The following NSD3 variants were observed in gnomAD, a reference collection of about 807,000 sequenced individuals.
NSD3 encodes the protein nuclear receptor binding SET domain protein 3.
Under a neutral mutation model 160.8 loss-of-function variants are expected in NSD3, and 24 were observed. The ratio of observed to expected loss-of-function variants is 0.15; its 90% confidence interval spans 0.11 to 0.21. The LOEUF is 0.21. Ranked by LOEUF, NSD3 falls within the 10% of genes least tolerant of loss-of-function variation. The pLI is 1.00. For synonymous variants in NSD3, 520 were observed against 600.0 expected (o/e 0.87, Z 1.95); for missense variants, 1,157 against 1,735.9 (o/e 0.67, Z 5.93).
At chr8:38,332,463 A>G (rs939013513) in intron 4 of NSD3, among the ~76,000 whole-genome samples, 3 of 152,202 alleles carry the variant, frequency 2.0e-5, no homozygotes, top group African/African-American at 7.2e-5. Flanking sequence ...AAATTTAAAT[A>G]ACATTAGATA....
chr8:38,337,287 G>A lies in NSD3; in HGVS notation c.910+18C>T, dbSNP rs778605828. On this transcript the variant is annotated intron_variant, in intron 4 of 23. Transcript: ENST00000317025. ...ATTTCCAACCTTTTACTTAGTATCT[G>A]TTTATGCCTTTTCTTACCTCTTGTG... 2 of 1,586,066 alleles carry A rather than the reference G, an allele frequency of 1.3e-6. No homozygotes were observed. Among genetic ancestry groups the A allele is most frequent in the Admixed American group, 1.9e-5 (1 of 53,406 alleles).
chr8:38,381,419 C>G (rs1477378276), intron 1 of NSD3, among the ~76,000 whole-genome samples: 1 of 151,942 alleles, frequency 6.6e-6, no homozygotes, highest in Non-Finnish European at 1.5e-5. Flanking sequence ...ATCAGTCCAC[C>G]CAGGTCTGTA....
chr8:38,333,047 G>T (rs982372570), intron 4 of NSD3, among the ~76,000 whole-genome samples: 73 of 152,058 alleles, frequency 4.8e-4, no homozygotes, highest in African/African-American at 1.8e-3. Context: ...AAGGGTTTTT[G>T]GGGGGAAAAA....
At chr8:38,376,908 A>G (rs1208122784) in intron 1 of NSD3, among the ~76,000 whole-genome samples, 2 of 152,192 alleles carry the variant, frequency 1.3e-5, no homozygotes, top group East Asian at 3.8e-4. Context: ...AACTTAATTC[A>G]GGACCAACTA....
chr8:38,365,757 T>TTTTAATAA (rs1811091274), intron 1 of NSD3, among the ~76,000 whole-genome samples: 1 of 151,942 alleles, frequency 6.6e-6, no homozygotes, highest in South Asian at 2.1e-4. Flanking sequence ...AGATTCTTAT[T>TTTTAATAA]AAAAAACTAA....
In NSD3 at chr8:38,370,102, C is replaced by T. The variant is rs563671260; in HGVS notation, c.-45+11697G>A. On this transcript the variant is annotated intron_variant, in intron 1 of 23. Coordinates refer to ENST00000317025, the MANE Select transcript of NSD3 (RefSeq NM_023034.2). ...AGCCACCACGCCCAGCCAGCCCACC[C>T]AGTTTTTAAAAAATGTTTTGTTAAA... 3.9e-5 allele frequency among the ~76,000 whole-genome samples: 6 copies of T among 152,176 alleles called. No homozygotes were observed. The East Asian group carries it at 1.2e-3, about 29-fold the overall frequency.
At chr8:38,351,390 C>T (rs958462499) in intron 1 of NSD3, among the ~76,000 whole-genome samples, 5 of 150,598 alleles carry the variant, frequency 3.3e-5, no homozygotes, top group South Asian at 2.1e-4. Context: ...TGAGGCCGGG[C>T]GCCGTGGCTC....
At position 38,288,470 on chromosome 8, in the gene NSD3, C is replaced by T. The variant is rs760026999; in HGVS notation, c.3501+17G>A. On this transcript the variant is annotated intron_variant, in intron 19 of 23. Coordinates refer to ENST00000317025, the MANE Select transcript of NSD3 (RefSeq NM_023034.2). The surrounding 1 kb of genome is among the most constrained non-coding windows in gnomAD (Gnocchi z 4.5). ...AGGTTCTGGTCTCTTCCACCCCCCA[C>T]CACCATCCCATGCTACCTTCTTAAT... is the stretch of plus-strand genomic sequence containing the variant. The T allele has an allele frequency of 1.2e-6, 2 of 1,611,812 alleles. No individual in the cohort carries two copies. Among genetic ancestry groups the T allele is most frequent in the Admixed American group, 3.3e-5 (2 of 59,952 alleles).
intron 1 of NSD3, among the ~76,000 whole-genome samples, chr8:38,373,485 A>G (rs1028166567): frequency 6.6e-6 from 1 of 152,176 alleles, no homozygotes; most frequent in Non-Finnish European, 1.5e-5. Context: ...AAGGCTTTAA[A>G]ATGCCTATTT....
At chr8:38,360,538 C>T (rs892860138) in intron 1 of NSD3, among the ~76,000 whole-genome samples, 5 of 152,142 alleles carry the variant, frequency 3.3e-5, no homozygotes, top group Non-Finnish European at 7.4e-5. Flanking sequence ...TAGGGGAAAA[C>T]ATTTTCCTGT....
Position 38,317,892 on chromosome 8 carries a change from G to T in NSD3, c.1855+1003C>A. 6.2e-7 allele frequency: 1 copy of T among 1,601,104 alleles called. No homozygotes were observed. The highest frequency in any genetic ancestry group is 1.1e-5 in the South Asian group (1 of 89,374). On this transcript the variant is annotated intron_variant, in intron 9 of 23. Transcript: ENST00000317025. The surrounding 1 kb of genome is among the most constrained non-coding windows in gnomAD (Gnocchi z 5.3). The stretch of plus-strand genomic sequence containing the variant: ...CAAAGAAACTGTTTATCAAGCCGCC[G>T]ACAAAGAAATCTTGCATGGAGACTA...
At chr8:38,276,244 C>T in intron 23 of NSD3, 52 bp downstream of exon 23, 2 of 1,573,074 alleles carry the variant, frequency 1.3e-6, no homozygotes, top group Non-Finnish European at 1.7e-6. Flanking sequence ...GTGAGTTACA[C>T]ATAGTTGGCA....
In NSD3 at chr8:38,272,861, C is replaced by T. The variant is rs1279430425; in HGVS notation, c.*2780G>A. 1.3e-5 allele frequency: 2 copies of T among 152,142 alleles called. No homozygotes were observed. The highest frequency in any genetic ancestry group is 2.9e-5 in the Non-Finnish European group (2 of 68,026). 9.4% of individuals were successfully genotyped at this position (152,142 alleles called of 1,614,324 possible). A position where few individuals can be genotyped will look rare whatever the true frequency, so the allele number is the denominator to read the frequency against. ...CACAGTGCATGTATACTCATGCACA[C>T]ATAAAGGACAATTTTCTCTTTCTGC... is the stretch of plus-strand genomic sequence containing the variant. On this transcript the variant is annotated 3_prime_UTR_variant, in exon 24 of 24. Transcript: ENST00000317025.
Position 38,288,443 on chromosome 8 carries a change from C to T in NSD3, c.3501+44G>A. On this transcript the variant is annotated intron_variant, in intron 19 of 23. Transcript: ENST00000317025. The surrounding 1 kb of genome is among the most constrained non-coding windows in gnomAD (Gnocchi z 4.5). ...ACCCTACTGAAGCATTCCTGAAAAGCCAGGTTCTGGTCTCTTCCACCCCCC... is the reference window on the plus strand; with the variant it reads ...ACCCTACTGAAGCATTCCTGAAAAGTCAGGTTCTGGTCTCTTCCACCCCCC... 6.3e-7 allele frequency: 1 copy of T among 1,591,304 alleles called. No homozygotes were observed. Among genetic ancestry groups the T allele is most frequent in the Non-Finnish European group, 8.6e-7 (1 of 1,167,128 alleles).
chr8:38,292,279 G>A (rs1343388979), intron 16 of NSD3, among the ~76,000 whole-genome samples: 2 of 152,220 alleles, frequency 1.3e-5, no homozygotes, highest in Non-Finnish European at 2.9e-5. Flanking sequence ...TAGTAGAAAA[G>A]TGAAAATGCC....
chr8:38,380,831 A>C (rs1811526021), intron 1 of NSD3: 1 of 152,190 alleles, frequency 6.6e-6, no homozygotes, highest in South Asian at 2.1e-4. Context: ...ATTTATTTAC[A>C]CTGCAGTGCC....
intron 19 of NSD3, among the ~76,000 whole-genome samples, chr8:38,285,106 TGTCA>T (rs571033931): frequency 2.3e-3 from 346 of 152,344 alleles, no homozygotes; most frequent in Non-Finnish European, 3.7e-3. Context: ...GCAAAGAGGC[TGTCA>T]GTCAATATTT....
At chr8:38,365,765 T>G (rs1811091540) in intron 1 of NSD3, among the ~76,000 whole-genome samples, 1 of 151,970 alleles carries the variant, frequency 6.6e-6, no homozygotes, top group African/African-American at 2.4e-5. Context: ...ATTAAAAAAC[T>G]AATGAAACCA....
rs376263161 is a variant in NSD3 at position 38,292,905 on chromosome 8, G to A, written c.2916-2228C>T. Among the ~76,000 whole-genome samples, 4 of 152,100 alleles carry A rather than the reference G, an allele frequency of 2.6e-5. No homozygotes were observed. In the South Asian group the frequency reaches 8.3e-4, roughly 32 times the overall value. On this transcript the variant is annotated intron_variant, in intron 16 of 23. Coordinates refer to ENST00000317025, the MANE Select transcript of NSD3 (RefSeq NM_023034.2). ...GAGAATCACTTGAACCCGGGAGGCG[G>A]AGGTTGCAGTGAGCCAAGATCGCGC...
Sources: gnomAD v4.1 joint callset for allele counts (sites outside exome capture counted in the v4.1 genomes callset) on GRCh38, gnomAD v4.1.1 for gene constraint, Gnocchi (gnomAD v3.1) non-coding constraint, MANE v1.5 for transcripts, NCBI Gene and HGNC (gene_info 2026-07-23, HGNC 2026-07-21) for gene names.